Variants in XPNPEP3 observed in about 807,000 individuals in gnomAD.
XPNPEP3 encodes the protein xaa-Pro aminopeptidase 3.
XPNPEP3 carries 41 observed loss-of-function variants against 60.0 expected under a neutral mutation model. That is an observed-to-expected ratio of 0.68 (90% confidence interval 0.53 to 0.89). The LOEUF (loss-of-function observed/expected upper bound fraction) is 0.89, where lower values mean the gene tolerates loss of function less well. XPNPEP3 is among the 40% of genes least tolerant of loss of function. The pLI is 0.00. For synonymous variants in XPNPEP3, 212 were observed against 223.2 expected (o/e 0.95, Z 0.45); for missense variants, 598 against 638.9 (o/e 0.94, Z 0.69).
chr22:40,862,072 G>A (rs2057953482), intron 1 of XPNPEP3: 1 of 1,520,792 alleles, frequency 6.6e-7, no homozygotes, highest in Admixed American at 2.3e-5. Context: ...TGCTGGTGGT[G>A]GTGATAGAGG....
At position 40,907,601 on chromosome 22, in the gene XPNPEP3, C is replaced by T; in HGVS notation, c.807C>T (p.Thr269=). The T allele has an allele frequency of 6.2e-7, 1 of 1,613,948 alleles. No individual in the cohort carries two copies. The highest frequency in any genetic ancestry group is 8.5e-7 in the Non-Finnish European group (1 of 1,179,934). The change falls in exon 5 of 10, where the codon ACC becomes ACT. Residue 269 remains threonine (T), a synonymous_variant. Coordinates refer to ENST00000357137, the MANE Select transcript of XPNPEP3 (RefSeq NM_022098.4). ...TCTCTTTGCAGGCTTTCATAGAAAC[C>T]ATGTTCACCAGTAAAGCCCCTGTGG... ...GKLTSQAFIE[T]MFTSKAPVEE... is the part of the protein sequence containing the mutation.
At chr22:40,913,457 G>A (rs1410191101) in intron 6 of XPNPEP3, among the ~76,000 whole-genome samples, 1 of 151,312 alleles carries the variant, frequency 6.6e-6, no homozygotes, top group East Asian at 1.9e-4. Flanking sequence ...AAAAAAAAGA[G>A]GGAAGTGATA....
intron 1 of XPNPEP3, chr22:40,861,199 C>T (rs2057943406): frequency 6.2e-7 from 1 of 1,614,112 alleles, no homozygotes; most frequent in Non-Finnish European, 8.5e-7. Flanking sequence ...CCTCCCTCAT[C>T]ATTGTCCACG....
intron 5 of XPNPEP3, 137 bp downstream of exon 5, chr22:40,907,786 C>G: frequency 1.2e-6 from 1 of 858,998 alleles, no homozygotes; most frequent in Admixed American, 2.1e-5. Context: ...TCTGAAATAT[C>G]ACTGGTCATT....
rs2057992694 is a variant in XPNPEP3 at position 40,869,004 on chromosome 22, A to G, written c.70A>G (p.Met24Val). ...VANVRGLSGC[M>V]LCSQRRYSLQ... The stretch of plus-strand genomic sequence containing the variant: ...TCTCTTTATTCTTCATTCAGGATGT[A>G]TGTTGTGTTCACAGCGAAGGTACTC... The change falls in exon 2 of 10, where the codon ATG becomes GTG. Residue 24 changes from methionine to valine, a missense_variant. Met to Val is a conservative substitution (Grantham distance 21). Coordinates refer to ENST00000357137, the MANE Select transcript of XPNPEP3 (RefSeq NM_022098.4). The G allele has an allele frequency of 3.7e-6, 6 of 1,612,262 alleles. No homozygotes were observed. The East Asian group carries it at 1.1e-4, about 30-fold the overall frequency.
intron 2 of XPNPEP3, among the ~76,000 whole-genome samples, chr22:40,872,577 A>G (rs2058010571): frequency 6.6e-6 from 1 of 152,134 alleles, no homozygotes; most frequent in African/African-American, 2.4e-5. Flanking sequence ...CAGCCTCCCA[A>G]GTAGCTGGGA....
intron 2 of XPNPEP3, among the ~76,000 whole-genome samples, chr22:40,869,509 G>A (rs561772787): frequency 6.6e-6 from 1 of 152,228 alleles, no homozygotes; most frequent in African/African-American, 2.4e-5. Context: ...CTGTGTTAAA[G>A]ACATTTTAGA....
At chr22:40,886,653 G>A (rs533516998) in intron 4 of XPNPEP3, 138 bp downstream of exon 4, 442 of 746,074 alleles carry the variant, frequency 5.9e-4, no homozygotes, top group Middle Eastern at 2.0e-3. Context: ...GTGAAACCCC[G>A]TCTCTACTAA....
At chr22:40,920,631 G>T (rs751375385) in intron 7 of XPNPEP3, among the ~76,000 whole-genome samples, 1 of 152,140 alleles carries the variant, frequency 6.6e-6, no homozygotes, top group African/African-American at 2.4e-5. Flanking sequence ...CCCCTTCAGC[G>T]GCAACGTTGA....
intron 3 of XPNPEP3, among the ~76,000 whole-genome samples, chr22:40,884,346 T>G: frequency 6.6e-6 from 1 of 152,060 alleles, no homozygotes; most frequent in Non-Finnish European, 1.5e-5. Context: ...TTTTTTTTTT[T>G]TTTGAAACAG....
intron 4 of XPNPEP3, among the ~76,000 whole-genome samples, chr22:40,902,396 G>A (rs1177818308): frequency 1.3e-5 from 2 of 151,942 alleles, no homozygotes; most frequent in African/African-American, 2.4e-5. Flanking sequence ...GACTACAGGC[G>A]CCTGCCACAC....
rs1031521174 is a variant in XPNPEP3, at chr22:40,927,041, C to T, written c.*606C>T. 1 of 155,642 alleles carries T rather than the reference C, an allele frequency of 6.4e-6. No homozygotes were observed. Among genetic ancestry groups the T allele is most frequent in the African/African-American group, 2.4e-5 (1 of 41,464 alleles). The allele number at this position is 155,642 out of a possible 1,614,324, so 9.6% of individuals were successfully genotyped here. A position where few individuals can be genotyped will look rare whatever the true frequency, so the allele number is the denominator to read the frequency against. On this transcript the variant is annotated 3_prime_UTR_variant, in exon 10 of 10. Transcript: ENST00000357137. The stretch of plus-strand genomic sequence containing the variant: ...TACTAGTCAGCCACAGTCCAGGTTC[C>T]AGCAACACTAGCTACCTACCAAACA...
chr22:40,907,666 T>A lies in XPNPEP3; in HGVS notation c.855+17T>A. On this transcript the variant is annotated intron_variant, in intron 5 of 9. Transcript: ENST00000357137. ...TATGCTAAGGTGAGATTCAGATGGT[T>A]AGCTTCACCATCTTGTTGGAGGTGA... 1 of 1,609,144 alleles carries A rather than the reference T, an allele frequency of 6.2e-7. No individual in the cohort carries two copies. Among genetic ancestry groups the A allele is most frequent in the Non-Finnish European group, 8.5e-7 (1 of 1,175,536 alleles).
intron 7 of XPNPEP3, among the ~76,000 whole-genome samples, chr22:40,918,505 C>T (rs1305202100): frequency 6.6e-6 from 1 of 151,948 alleles, no homozygotes; most frequent in Non-Finnish European, 1.5e-5. Context: ...AACCCTGTCT[C>T]TACTAAAAAC....
chr22:40,886,316 AGAC>A lies in XPNPEP3; in HGVS notation c.596_598del (p.Thr199del). On this transcript the variant is annotated inframe_deletion, in exon 4 of 10. Transcript: ENST00000357137. The stretch of plus-strand genomic sequence containing the variant: ...TTTTTCGGCTTCTCATTCTAAGCTG[AGAC>A]GAACATGGTTTGGTATGACTGGATG... 6.2e-7 allele frequency: 1 copy of A among 1,613,996 alleles called. No individual in the cohort carries two copies. Among genetic ancestry groups the A allele is most frequent in the Non-Finnish European group, 8.5e-7 (1 of 1,180,010 alleles).
At chr22:40,862,266 C>T in intron 1 of XPNPEP3, 7 of 1,148,024 alleles carry the variant, frequency 6.1e-6, no homozygotes, top group Non-Finnish European at 6.4e-6. Flanking sequence ...CAGAGTCGTA[C>T]CAGACCATCC....
At chr22:40,866,085 G>A (rs1313939483) in intron 1 of XPNPEP3, among the ~76,000 whole-genome samples, 1 of 152,114 alleles carries the variant, frequency 6.6e-6, no homozygotes, top group Non-Finnish European at 1.5e-5. Context: ...CCTGTTGCAT[G>A]TAGTGGTACA....
intron 6 of XPNPEP3, among the ~76,000 whole-genome samples, chr22:40,911,413 C>T (rs1601516747): frequency 1.3e-5 from 2 of 152,020 alleles, no homozygotes; most frequent in East Asian, 3.9e-4. Flanking sequence ...TATGGAATGA[C>T]TTGAATTAAT....
intron 1 of XPNPEP3, chr22:40,862,040 G>T (rs373519766): frequency 1.3e-6 from 2 of 1,538,488 alleles, no homozygotes; most frequent in Admixed American, 4.3e-5. Flanking sequence ...ATTGAGAACC[G>T]TGGTTTCCTC....
Sources: allele counts gnomAD v4.1 joint callset (sites outside exome capture counted in the v4.1 genomes callset), GRCh38; gene constraint gnomAD v4.1.1; transcripts MANE v1.5; gene names NCBI Gene and HGNC (gene_info 2026-07-23, HGNC 2026-07-21).